Variants in PCNX2 observed in about 807,000 individuals in gnomAD.
PCNX2 encodes pecanex-like protein 2.
In PCNX2, 168 loss-of-function variants were observed where a neutral mutation model predicts 223.8. The observed-to-expected ratio is 0.75, with a 90% confidence interval of 0.66 to 0.85. PCNX2 has a LOEUF of 0.85. Among genes scored for constraint, PCNX2 ranks in the 40% least tolerant of loss-of-function variants. The pLI is 0.00. For synonymous variants in PCNX2, 1,006 were observed against 1,052.6 expected (o/e 0.96, Z 0.86); for missense variants, 2,507 against 2,675.5 (o/e 0.94, Z 1.39).
At chr1:233,293,220 C>T (rs567801063) in intron 1 of PCNX2, among the ~76,000 whole-genome samples, 21 of 152,128 alleles carry the variant, frequency 1.4e-4, no homozygotes, top group South Asian at 6.2e-4. Flanking sequence ...ACATTAAATG[C>T]GAATGTGGTG....
chr1:233,129,570 C>T (rs1336452341), intron 21 of PCNX2, among the ~76,000 whole-genome samples: 10 of 152,202 alleles, frequency 6.6e-5, no homozygotes, highest in Admixed American at 6.5e-4. Context: ...CTGGGTGAAG[C>T]CAGCTAGGCT....
chr1:233,311,380 G>A, the PCNX2 span, among the ~76,000 whole-genome samples: 1 of 152,202 alleles, frequency 6.6e-6, no homozygotes, highest in Non-Finnish European at 1.5e-5. Context: ...ACTCACCTTC[G>A]GGAATTTGGA....
At chr1:233,304,046 T>C in the PCNX2 span, among the ~76,000 whole-genome samples, 2 of 152,264 alleles carry the variant, frequency 1.3e-5, no homozygotes, top group African/African-American at 4.8e-5. Flanking sequence ...CACTTTGCTT[T>C]CTCTTGGCTT....
chr1:233,131,551 C>T (rs1486704252), intron 21 of PCNX2, among the ~76,000 whole-genome samples: 1 of 152,152 alleles, frequency 6.6e-6, no homozygotes, highest in Non-Finnish European at 1.5e-5. Context: ...CTCTTTCTTT[C>T]ACTATATTCT....
chr1:233,262,847 T>C, intron 2 of PCNX2, 111 bp downstream of exon 2: 1 of 950,692 alleles, frequency 1.1e-6, no homozygotes, highest in Non-Finnish European at 1.6e-6. Context: ...GAAAAATGCA[T>C]ATATTTCTGT....
At chr1:233,303,601 C>G in the PCNX2 span, among the ~76,000 whole-genome samples, 11 of 152,046 alleles carry the variant, frequency 7.2e-5, no homozygotes, top group Non-Finnish European at 1.6e-4. Flanking sequence ...TTATATCTTT[C>G]TGAAGAAATG....
chr1:233,261,994 T>C (rs992954543), intron 3 of PCNX2, 51 bp downstream of exon 3: 44 of 1,607,648 alleles, frequency 2.7e-5, no homozygotes, highest in Admixed American at 5.0e-5. Context: ...CTAGGTGAGA[T>C]CAACATCGAA....
intron 21 of PCNX2, among the ~76,000 whole-genome samples, chr1:233,119,843 A>C (rs1415089180): frequency 1.3e-5 from 2 of 152,180 alleles, no homozygotes; most frequent in Admixed American, 6.5e-5. Context: ...AAGTATTTGC[A>C]GATGACATAT....
At chr1:233,051,237 G>A (rs1011620382) in intron 25 of PCNX2, among the ~76,000 whole-genome samples, 1 of 152,218 alleles carries the variant, frequency 6.6e-6, no homozygotes, top group Non-Finnish European at 1.5e-5. Flanking sequence ...TTTATACACT[G>A]TTGATGGGAA....
chr1:233,257,982 T>C (rs750373871), intron 5 of PCNX2, 46 bp downstream of exon 5: 2 of 1,567,386 alleles, frequency 1.3e-6, no homozygotes, highest in African/African-American at 2.7e-5. Flanking sequence ...AAAAGGTGTA[T>C]TGCCTTCTAT....
intron 32 of PCNX2, among the ~76,000 whole-genome samples, chr1:232,994,298 T>C (rs1166806792): frequency 1.3e-5 from 2 of 152,254 alleles, no homozygotes; most frequent in African/African-American, 2.4e-5. Flanking sequence ...ACATGAGACA[T>C]GGCATTGAAG....
chr1:233,251,048 A>C lies in PCNX2; in HGVS notation c.2129-216T>G, dbSNP rs576024452. 3.7e-4 allele frequency among the ~76,000 whole-genome samples: 56 copies of C among 152,160 alleles called. 1 individual carries two copies. Among genetic ancestry groups the C allele is most frequent in the African/African-American group, 1.3e-3 (55 of 41,424 alleles). On this transcript the variant is annotated intron_variant, in intron 7 of 33. Transcript: ENST00000258229. ...AACTTTACTAAGAAAATTTTCTTCG[A>C]CCTGCTTCCCTGCTAATATACTTAG...
At chr1:233,169,456 C>T (rs1679013245) in intron 17 of PCNX2, among the ~76,000 whole-genome samples, 1 of 151,596 alleles carries the variant, frequency 6.6e-6, no homozygotes, top group African/African-American at 2.4e-5. Context: ...ACCATCCTGG[C>T]TAACACGGTG....
chr1:233,118,067 G>T (rs1675531425), intron 21 of PCNX2, among the ~76,000 whole-genome samples: 1 of 151,824 alleles, frequency 6.6e-6, no homozygotes, highest in African/African-American at 2.4e-5. Context: ...TTTCAGGGAT[G>T]CAAGGTTGGT....
intron 21 of PCNX2, among the ~76,000 whole-genome samples, chr1:233,097,599 T>C (rs995210097): frequency 6.6e-6 from 1 of 152,196 alleles, no homozygotes. Flanking sequence ...CCATTTTAGA[T>C]GGGACTCCAC....
At chr1:233,285,713 A>G (rs1168086270) in intron 1 of PCNX2, among the ~76,000 whole-genome samples, 2 of 152,212 alleles carry the variant, frequency 1.3e-5, no homozygotes, top group Non-Finnish European at 2.9e-5. Context: ...AACTTGGTAA[A>G]GCCAAACACA....
intron 26 of PCNX2, among the ~76,000 whole-genome samples, chr1:233,019,712 G>GAGGGGACAGGGATGGCATT (rs1408573228): frequency 1.3e-5 from 2 of 151,988 alleles, no homozygotes; most frequent in East Asian, 3.9e-4. Flanking sequence ...GCAGAGGGGC[G>GAGGGGACAGGGATGGCATT]AGGGGACAGG....
At chr1:233,105,503 T>C (rs1196224856) in intron 21 of PCNX2, among the ~76,000 whole-genome samples, 1 of 152,212 alleles carries the variant, frequency 6.6e-6, no homozygotes, top group Admixed American at 6.5e-5. Flanking sequence ...TGAATCTGAT[T>C]AACCTAAAAC....
intron 25 of PCNX2, among the ~76,000 whole-genome samples, chr1:233,030,578 T>A (rs1671227474): frequency 6.6e-6 from 1 of 152,212 alleles, no homozygotes; most frequent in African/African-American, 2.4e-5. Context: ...TATCTGCCCA[T>A]CAGGTTGTCA....
Sources: allele counts gnomAD v4.1 joint callset (sites outside exome capture counted in the v4.1 genomes callset), GRCh38; gene constraint gnomAD v4.1.1; transcripts MANE v1.5; gene names NCBI Gene and HGNC (gene_info 2026-07-23, HGNC 2026-07-21).